Variants in VAT1L observed in about 807,000 individuals in gnomAD.
The protein encoded by VAT1L is vesicle amine transport 1 like.
Under a neutral mutation model 44.1 loss-of-function variants are expected in VAT1L, and 34 were observed. The ratio of observed to expected loss-of-function variants is 0.77; its 90% CI spans 0.59 to 1.03. The LOEUF is 1.03. Ranked by LOEUF, VAT1L falls within the 50% of genes least tolerant of loss-of-function variation. The pLI, the probability that VAT1L is intolerant of heterozygous loss-of-function variation, is 0.00. For synonymous variants in VAT1L, 253 were observed against 202.2 expected (o/e 1.25, Z -2.13); for missense variants, 615 against 538.8 (o/e 1.14, Z -1.40).
At chr16:77,802,940 G>T (rs1215198434) in intron 1 of VAT1L, among the ~76,000 whole-genome samples, 8 of 151,910 alleles carry the variant, frequency 5.3e-5, no homozygotes, top group Non-Finnish European at 1.2e-4. Flanking sequence ...TCACCATCAC[G>T]GCAGCGGACA....
At chr16:77,896,768 C>G (rs1206489465) in intron 7 of VAT1L, among the ~76,000 whole-genome samples, 1 of 152,222 alleles carries the variant, frequency 6.6e-6, no homozygotes, top group Non-Finnish European at 1.5e-5. Flanking sequence ...GCTCAGCACT[C>G]CTTGTTAGGA....
intron 7 of VAT1L, among the ~76,000 whole-genome samples, chr16:77,922,382 G>A (rs1239611958): frequency 6.6e-6 from 1 of 152,164 alleles, no homozygotes; most frequent in Non-Finnish European, 1.5e-5. Context: ...AGTCACACAC[G>A]TTTCAAATGA....
intron 3 of VAT1L, among the ~76,000 whole-genome samples, chr16:77,855,923 C>T (rs1369656612): frequency 6.6e-6 from 1 of 152,104 alleles, no homozygotes; most frequent in Non-Finnish European, 1.5e-5. Flanking sequence ...GAGGCTGAGG[C>T]AGAAGAATTG....
At chr16:77,910,947 G>C (rs1437165368) in intron 7 of VAT1L, among the ~76,000 whole-genome samples, 3 of 152,180 alleles carry the variant, frequency 2.0e-5, no homozygotes, top group African/African-American at 7.2e-5. Flanking sequence ...TGAGGCAAAA[G>C]AATAGAGAGA....
At chr16:77,799,127 T>C (rs895746401) in intron 1 of VAT1L, among the ~76,000 whole-genome samples, 32 of 152,128 alleles carry the variant, frequency 2.1e-4, no homozygotes, top group African/African-American at 7.7e-4. Flanking sequence ...AGTTTTTATG[T>C]ATTAAGGAAG....
Position 77,884,124 on chromosome 16 carries a change from T to C in VAT1L, c.883-484T>C, listed in dbSNP as rs549177590. On this transcript the variant is annotated intron_variant, in intron 6 of 8. Coordinates refer to ENST00000302536, the MANE Select transcript of VAT1L (RefSeq NM_020927.3). The surrounding 1 kb of genome is among the most constrained non-coding windows in gnomAD (Gnocchi z 4.5). ...AGCGTCTCATAAGCATCAATGTCTATTGCTTCCCATGCACTTGCAACAGTG... is the reference window on the plus strand; with the variant it reads ...AGCGTCTCATAAGCATCAATGTCTACTGCTTCCCATGCACTTGCAACAGTG... 6.6e-6 allele frequency among the ~76,000 whole-genome samples: 1 copy of C among 152,200 alleles called. No homozygotes were observed. Among genetic ancestry groups the C allele is most frequent in the South Asian group, 2.1e-4 (1 of 4,814 alleles).
At position 77,825,458 on chromosome 16, in the gene VAT1L, C is replaced by T. The variant is rs545217766; in HGVS notation, c.576C>T (p.Gly192=). 45 of 1,578,600 alleles carry T rather than the reference C, an allele frequency of 2.9e-5. No homozygotes were observed. In the South Asian group the frequency reaches 2.9e-4, roughly 10 times the overall value. Reference sequence around the variant, plus strand: ...TGCTCGTGCACTCAGCTGGTGGGGGCGTGGTAAGTCAGCTGTTTGTAACTT... The same window carrying T: ...TGCTCGTGCACTCAGCTGGTGGGGGTGTGGTAAGTCAGCTGTTTGTAACTT... ...MSVLVHSAGG[G]VGQAVAQLCS... is the part of the protein sequence containing the mutation. Residue 192 remains glycine, a synonymous_variant, in exon 3 of 9, where the codon GGC becomes GGT. Transcript: ENST00000302536.
At chr16:77,852,908 T>C (rs1324174440) in intron 3 of VAT1L, among the ~76,000 whole-genome samples, 3 of 152,194 alleles carry the variant, frequency 2.0e-5, no homozygotes, top group Non-Finnish European at 4.4e-5. Context: ...GATGAACTAG[T>C]ACCTACCTCA....
chr16:77,913,394 A>C (rs2017518660), intron 7 of VAT1L, among the ~76,000 whole-genome samples: 1 of 152,106 alleles, frequency 6.6e-6, no homozygotes, highest in Non-Finnish European at 1.5e-5. Flanking sequence ...ATTTAGTCCA[A>C]GCAAACTCCT....
At chr16:77,875,438 A>G (rs989867107) in intron 4 of VAT1L, among the ~76,000 whole-genome samples, 1 of 152,204 alleles carries the variant, frequency 6.6e-6, no homozygotes, top group Admixed American at 6.5e-5. Flanking sequence ...AACACAAGGA[A>G]TGCCATTCTT....
chr16:77,866,276 A>G (rs73579103), intron 4 of VAT1L, among the ~76,000 whole-genome samples: 16,505 of 152,262 alleles, frequency 0.11, 1,692 homozygotes, highest in African/African-American at 0.27. Flanking sequence ...AATTCAGAAC[A>G]AGCCCCTACA....
At chr16:77,972,609 C>T (rs1447177560) in intron 8 of VAT1L, among the ~76,000 whole-genome samples, 3 of 152,010 alleles carry the variant, frequency 2.0e-5, no homozygotes, top group African/African-American at 7.2e-5. Flanking sequence ...GGTGAAACCC[C>T]GTCTCTACTA....
At chr16:77,975,311 G>C (rs768508028) in intron 8 of VAT1L, among the ~76,000 whole-genome samples, 7 of 141,570 alleles carry the variant, frequency 4.9e-5, no homozygotes, top group African/African-American at 1.1e-4. Flanking sequence ...CCGGGTTCAA[G>C]TAATTCTCAT....
At chr16:77,806,812 A>T (rs962148999) in intron 1 of VAT1L, among the ~76,000 whole-genome samples, 1 of 152,128 alleles carries the variant, frequency 6.6e-6, no homozygotes, top group East Asian at 1.9e-4. Context: ...GCAAAAATGG[A>T]CTGTTTCTCC....
chr16:77,949,832 C>T (rs576814461), intron 7 of VAT1L, among the ~76,000 whole-genome samples: 66 of 152,340 alleles, frequency 4.3e-4, no homozygotes, highest in Admixed American at 1.2e-3. Context: ...GGGACTAATA[C>T]AGCAGGTGAG....
At position 77,896,205 on chromosome 16, in the gene VAT1L, A is replaced by G. The variant is rs139624858; in HGVS notation, c.1077+11403A>G. On this transcript the variant is annotated intron_variant, in intron 7 of 8. Transcript: ENST00000302536. ...CCTCCCTGCCTTTGTTCCAGTTGTT[A>G]ACTTGGCCTGCATGCCCTTCCCTCA... 2.8e-3 allele frequency among the ~76,000 whole-genome samples: 433 copies of G among 152,264 alleles called. 2 individuals are homozygous for G. The highest frequency in any genetic ancestry group is 0.01 in the African/African-American group (417 of 41,556).
chr16:77,972,450 T>C (rs955392294), intron 8 of VAT1L, among the ~76,000 whole-genome samples: 1 of 152,170 alleles, frequency 6.6e-6, no homozygotes, highest in Non-Finnish European at 1.5e-5. Context: ...CTTGAGCAGC[T>C]GAGACTACAG....
intron 7 of VAT1L, among the ~76,000 whole-genome samples, chr16:77,895,349 ATATT>A (rs398119524): frequency 8.3e-4 from 23 of 27,872 alleles, no homozygotes; most frequent in Non-Finnish European, 1.4e-3. Context: ...AATCCCTAGA[ATATT>A]TGAACATGTT....
chr16:77,816,671 C>G (rs116998663), intron 1 of VAT1L, among the ~76,000 whole-genome samples: 5 of 152,190 alleles, frequency 3.3e-5, no homozygotes, highest in Non-Finnish European at 5.9e-5. Context: ...AACTCTGCAA[C>G]TACTGTTTTC....
Sources: allele counts gnomAD v4.1 joint callset (sites outside exome capture counted in the v4.1 genomes callset), GRCh38; gene constraint gnomAD v4.1.1; non-coding constraint Gnocchi (gnomAD v3.1); transcripts MANE v1.5; gene names NCBI Gene and HGNC (gene_info 2026-07-23, HGNC 2026-07-21).